Variants in SMAD2 observed in about 807,000 individuals in gnomAD.
The protein encoded by SMAD2 is SMAD family member 2.
A neutral mutation model predicts 64.4 loss-of-function variants in SMAD2; 8 were observed. The ratio of observed to expected loss-of-function variants is 0.12; its 90% CI spans 0.07 to 0.22. The LOEUF is 0.22. Ranked by LOEUF, SMAD2 falls within the 10% of genes least tolerant of loss-of-function variation. The probability of loss-of-function intolerance (pLI) is 1.00; values close to 1 mark genes in which losing one functional copy is unlikely to be tolerated. For missense variants in SMAD2, 289 were observed against 561.2 expected, an observed-to-expected ratio of 0.51 and a Z score of 4.90; for synonymous variants, 203 against 195.8, an observed-to-expected ratio of 1.04 and a Z score of -0.31.
Position 47,833,161 on chromosome 18 carries a change from A to G in SMAD2, c.*8666T>C. On this transcript the variant is annotated 3_prime_UTR_variant, in exon 11 of 11. Coordinates refer to ENST00000262160, the MANE Select transcript of SMAD2 (RefSeq NM_005901.6). The stretch of plus-strand genomic sequence containing the variant: ...GAAAACTGTCCACCTTTCAACGGTG[A>G]CAGGGCTGTTAACACAGGTAAGAGC... 4.9e-6 allele frequency: 1 copy of G among 204,768 alleles called. No individual in the cohort carries two copies. The highest frequency in any genetic ancestry group is 1.0e-5 in the Non-Finnish European group (1 of 99,568). 12.7% of individuals were successfully genotyped at this position (204,768 alleles called of 1,614,324 possible). A position where few individuals can be genotyped will look rare whatever the true frequency, so the allele number is the denominator to read the frequency against.
Position 47,870,501 on chromosome 18 carries a change from G to T in SMAD2, c.300C>A (p.Gly100=), listed in dbSNP as rs2144384233. 1 of 1,613,064 alleles carries T rather than the reference G, an allele frequency of 6.2e-7. No homozygotes were observed. The highest frequency in any genetic ancestry group is 8.5e-7 in the Non-Finnish European group (1 of 1,179,158). ...TGGTTTGTTCAGAGAAGCTGTAAAG[G>T]CCTGTTGTATCCCACTGATCTATCG... The part of the protein sequence containing the change: ...PNTIDQWDTT[G]LYSFSEQTRS... Residue 100 remains glycine (G), a synonymous_variant, in exon 3 of 11, where the codon GGC becomes GGA. Coordinates refer to ENST00000262160, the MANE Select transcript of SMAD2 (RefSeq NM_005901.6).
intron 6 of SMAD2, among the ~76,000 whole-genome samples, chr18:47,852,406 G>A (rs78594038): frequency 0.056 from 8,581 of 152,168 alleles, 343 homozygotes; most frequent in Non-Finnish European, 0.086. Flanking sequence ...TTCCCATTAA[G>A]CATGGCATTG....
chr18:47,921,552 CCTA>C (rs1232995321), intron 1 of SMAD2, among the ~76,000 whole-genome samples: 3 of 152,164 alleles, frequency 2.0e-5, no homozygotes, highest in African/African-American at 4.8e-5. Flanking sequence ...CCATCTAAAG[CCTA>C]CTGTTTTTCC....
At chr18:47,892,496 A>C (rs1364976510) in intron 2 of SMAD2, among the ~76,000 whole-genome samples, 1 of 152,082 alleles carries the variant, frequency 6.6e-6, no homozygotes, top group Non-Finnish European at 1.5e-5. Flanking sequence ...CACCATGCCT[A>C]GTTATGTTTT....
At chr18:47,858,417 A>C (rs1015857590) in intron 6 of SMAD2, among the ~76,000 whole-genome samples, 1 of 152,194 alleles carries the variant, frequency 6.6e-6, no homozygotes, top group African/African-American at 2.4e-5. Flanking sequence ...AATGGTGCTA[A>C]AACAACTGAA....
intron 2 of SMAD2, among the ~76,000 whole-genome samples, chr18:47,872,800 C>T (rs1035621750): frequency 1.3e-5 from 2 of 152,144 alleles, no homozygotes; most frequent in African/African-American, 4.8e-5. Context: ...CGCACCACCA[C>T]GGTCAGTGGA....
chr18:47,920,192 T>TAAC (rs1307065811), intron 1 of SMAD2: 1 of 152,198 alleles, frequency 6.6e-6, no homozygotes, highest in Admixed American at 6.5e-5. Context: ...GACAGAATGC[T>TAAC]AACAACGGTC....
chr18:47,912,153 A>G (rs2034162503), intron 1 of SMAD2: 1 of 152,236 alleles, frequency 6.6e-6, no homozygotes, highest in Non-Finnish European at 1.5e-5. Flanking sequence ...AGGAGAGACG[A>G]AAAATTTAGG....
chr18:47,865,048 AT>A lies in SMAD2; in HGVS notation c.730+10del, dbSNP rs149135973. On this transcript the variant is annotated intron_variant, in intron 6 of 10. Transcript: ENST00000262160. ...TAATAACTGAGGAATTTTCAAAGAC[AT>A]TTTTTTTACCTGTGTCCATACTTTG... 278 of 1,517,990 alleles carry A rather than the reference AT, an allele frequency of 1.8e-4. No homozygotes were observed. The highest frequency in any genetic ancestry group is 2.3e-4 in the Non-Finnish European group (253 of 1,094,452). 94.0% of individuals were successfully genotyped at this position (1,517,990 alleles called of 1,614,324 possible).
At chr18:47,891,012 C>T (rs2033162921) in intron 2 of SMAD2, among the ~76,000 whole-genome samples, 1 of 152,132 alleles carries the variant, frequency 6.6e-6, no homozygotes, top group African/African-American at 2.4e-5. Flanking sequence ...GTTTAAAAGT[C>T]TGTAAGAGGT....
intron 6 of SMAD2, among the ~76,000 whole-genome samples, chr18:47,860,720 C>T (rs2031109713): frequency 6.6e-6 from 1 of 152,090 alleles, no homozygotes; most frequent in Admixed American, 6.6e-5. Context: ...ACAGACCAAT[C>T]TCTCATAAAC....
At chr18:47,895,730 G>C (rs1159150716) in intron 2 of SMAD2, 1 of 152,208 alleles carries the variant, frequency 6.6e-6, no homozygotes, top group Non-Finnish European at 1.5e-5. Context: ...ATTGGGATCT[G>C]TTATCTATAA....
intron 1 of SMAD2, among the ~76,000 whole-genome samples, chr18:47,913,163 C>T (rs577536829): frequency 6.6e-6 from 1 of 152,158 alleles, no homozygotes; most frequent in African/African-American, 2.4e-5. Context: ...TCAGATGATC[C>T]ATCCGCCTCG....
intron 2 of SMAD2, among the ~76,000 whole-genome samples, chr18:47,882,066 T>TG (rs2032634903): frequency 7.2e-6 from 1 of 139,506 alleles, no homozygotes; most frequent in South Asian, 2.4e-4. Flanking sequence ...TTTTTTTTTT[T>TG]TGTGGAGACA....
At chr18:47,900,154 T>C (rs1396323941) in intron 1 of SMAD2, among the ~76,000 whole-genome samples, 1 of 152,158 alleles carries the variant, frequency 6.6e-6, no homozygotes, top group African/African-American at 2.4e-5. Flanking sequence ...ATAGGCAACA[T>C]TTTAATGATG....
intron 1 of SMAD2, among the ~76,000 whole-genome samples, chr18:47,916,001 T>C (rs947728504): frequency 2.0e-5 from 3 of 152,238 alleles, no homozygotes; most frequent in Admixed American, 1.3e-4. Flanking sequence ...TATCATATGC[T>C]TTCCCGTTGT....
intron 1 of SMAD2, among the ~76,000 whole-genome samples, chr18:47,900,621 T>C (rs990242305): frequency 2.8e-4 from 42 of 152,196 alleles, no homozygotes; most frequent in Non-Finnish European, 5.3e-4. Context: ...CACTAATTTC[T>C]GCTCTTGTCT....
In SMAD2 at chr18:47,845,148, T is replaced by C. The variant is rs1914371325; in HGVS notation, c.1280+192A>G. Reference sequence around the variant, plus strand: ...AAATGCACGCCTGTGCATGTTTTAATATCTTCCATAATGGCAGCTCAGTAA... The same window carrying C: ...AAATGCACGCCTGTGCATGTTTTAACATCTTCCATAATGGCAGCTCAGTAA... On this transcript the variant is annotated intron_variant, in intron 10 of 10. Transcript: ENST00000262160. The C allele has an allele frequency of 4.5e-6, 3 of 664,206 alleles. No homozygotes were observed. In the South Asian group the frequency reaches 5.2e-5, roughly 11 times the overall value. The allele number at this position is 664,206 out of a possible 1,614,324, so 41.1% of individuals were successfully genotyped here.
intron 2 of SMAD2, among the ~76,000 whole-genome samples, chr18:47,888,677 CTCTA>C (rs1351630775): frequency 4.6e-5 from 7 of 152,294 alleles, no homozygotes; most frequent in South Asian, 2.1e-4. Flanking sequence ...GGGAGCTTCT[CTCTA>C]TCTACCTGGT....
Sources: allele counts gnomAD v4.1 joint callset (sites outside exome capture counted in the v4.1 genomes callset), GRCh38; gene constraint gnomAD v4.1.1; transcripts MANE v1.5; gene names NCBI Gene and HGNC (gene_info 2026-07-23, HGNC 2026-07-21).